Variants in MAU2 observed in about 807,000 individuals in gnomAD.
MAU2 encodes MAU2 sister chromatid cohesion factor.
MAU2 carries 9 observed loss-of-function variants against 89.1 expected under a neutral mutation model. The ratio of observed to expected loss-of-function variants is 0.10; its 90% CI spans 0.06 to 0.18. MAU2 has a LOEUF of 0.18. MAU2 is among the 10% of genes least tolerant of loss of function. The probability of loss-of-function intolerance (pLI) is 1.00; values close to 1 mark genes in which losing one functional copy is unlikely to be tolerated. For missense variants in MAU2, 425 were observed against 803.5 expected (o/e 0.53, Z 5.69); for synonymous variants, 357 against 343.4 (o/e 1.04, Z -0.44).
intron 1 of MAU2, among the ~76,000 whole-genome samples, chr19:19,325,719 T>C (rs1286463254): frequency 2.6e-5 from 4 of 152,056 alleles, no homozygotes; most frequent in Non-Finnish European, 4.4e-5. Flanking sequence ...CCTCAGGTGA[T>C]CTGCCCGCCT....
Position 19,355,942 on chromosome 19 carries a change from GGT to G in MAU2, c.*162_*163del. On this transcript the variant is annotated 3_prime_UTR_variant, in exon 19 of 19. Coordinates refer to ENST00000262815, the MANE Select transcript of MAU2 (RefSeq NM_015329.4). The stretch of plus-strand genomic sequence containing the variant: ...GGCCAGTCCCTGCCCTCCCAGGAGG[GGT>G]GGTAGCCGTTCCCACCTCGCAGCAG... 1 of 755,284 alleles carries G rather than the reference GGT, an allele frequency of 1.3e-6. No homozygotes were observed. The highest frequency in any genetic ancestry group is 1.5e-5 in the South Asian group (1 of 68,942). 46.8% of individuals were successfully genotyped at this position (755,284 alleles called of 1,614,324 possible).
intron 3 of MAU2, 74 bp downstream of exon 3, chr19:19,336,261 T>C: frequency 1.7e-6 from 2 of 1,180,446 alleles, no homozygotes; most frequent in Non-Finnish European, 2.5e-6. Flanking sequence ...CATTGGTAAA[T>C]TGGGGTTCCG....
chr19:19,353,999 T>C (rs1003129472), intron 16 of MAU2: 3 of 275,216 alleles, frequency 1.1e-5, no homozygotes, highest in African/African-American at 6.4e-5. Flanking sequence ...ACCTGAAACC[T>C]GGAACCCTAT....
intron 1 of MAU2, among the ~76,000 whole-genome samples, chr19:19,331,167 A>G (rs985207869): frequency 1.3e-5 from 2 of 152,102 alleles, no homozygotes; most frequent in Non-Finnish European, 2.9e-5. Flanking sequence ...TATCATAAGG[A>G]AGGAAACATA....
chr19:19,343,408 T>C (rs1206487962), intron 9 of MAU2, among the ~76,000 whole-genome samples: 1 of 152,186 alleles, frequency 6.6e-6, no homozygotes, highest in African/African-American at 2.4e-5. Context: ...ATAGGCCCTG[T>C]GCTTCTCTTA....
intron 1 of MAU2, among the ~76,000 whole-genome samples, chr19:19,328,834 C>G (rs988740547): frequency 1.3e-5 from 2 of 152,154 alleles, no homozygotes; most frequent in Non-Finnish European, 2.9e-5. Context: ...TAAATGCCGC[C>G]TCTCTGGAAG....
Position 19,342,530 on chromosome 19 carries a change from C to A in MAU2, c.736-5C>A. Reference sequence around the variant, plus strand: ...GGTGGATGCTCGGGTGTGGGTGCTGCACAGGTGAAGAGCGTGAAGCCGTGT... The same window carrying A: ...GGTGGATGCTCGGGTGTGGGTGCTGAACAGGTGAAGAGCGTGAAGCCGTGT... On this transcript the variant is annotated splice_polypyrimidine_tract_variant and splice_region_variant and intron_variant, in intron 7 of 18. Coordinates refer to ENST00000262815, the MANE Select transcript of MAU2 (RefSeq NM_015329.4). The A allele has an allele frequency of 6.4e-7, 1 of 1,571,558 alleles. No individual in the cohort carries two copies. The highest frequency in any genetic ancestry group is 8.6e-7 in the Non-Finnish European group (1 of 1,157,674).
chr19:19,355,203 G>C (rs1176167628), intron 17 of MAU2, 61 bp from the exon 18 acceptor site: 5 of 1,607,988 alleles, frequency 3.1e-6, no homozygotes, highest in Non-Finnish European at 4.2e-6. Context: ...TCTGCACCGA[G>C]TGGGAGGGCC....
At chr19:19,323,443 C>T (rs919655457) in intron 1 of MAU2, among the ~76,000 whole-genome samples, 1 of 152,194 alleles carries the variant, frequency 6.6e-6, no homozygotes, top group Non-Finnish European at 1.5e-5. Flanking sequence ...ATCCGCCCAT[C>T]TTGTCCTCCC....
At chr19:19,351,453 T>C (rs1019740268) in intron 16 of MAU2, among the ~76,000 whole-genome samples, 8 of 151,256 alleles carry the variant, frequency 5.3e-5, no homozygotes, top group Non-Finnish European at 1.2e-4. Context: ...AAGGATCATT[T>C]GAGCGCAGGA....
intron 1 of MAU2, among the ~76,000 whole-genome samples, chr19:19,332,324 T>TG (rs1301473733): frequency 9.1e-6 from 1 of 110,256 alleles, no homozygotes; most frequent in Non-Finnish European, 1.8e-5. Flanking sequence ...CATGCCTGGC[T>TG]GATTTTTTTT....
chr19:19,330,719 A>G (rs925731186), intron 1 of MAU2, among the ~76,000 whole-genome samples: 12 of 152,182 alleles, frequency 7.9e-5, no homozygotes, highest in African/African-American at 2.9e-4. Context: ...CAGCCTGGGC[A>G]GCAAGAGCGA....
chr19:19,330,151 T>C (rs1365789016), intron 1 of MAU2, among the ~76,000 whole-genome samples: 2 of 151,630 alleles, frequency 1.3e-5, no homozygotes, highest in South Asian at 2.1e-4. Context: ...AGCTAATTTT[T>C]GTATATTTTG....
chr19:19,347,037 T>G (rs2061698663), intron 12 of MAU2: 1 of 511,046 alleles, frequency 2.0e-6, no homozygotes, highest in Non-Finnish European at 3.5e-6. Flanking sequence ...AGGGTAGGAT[T>G]GGGGTGGCTG....
chr19:19,320,873 C>T lies in MAU2; in HGVS notation c.14C>T (p.Ala5Val). The T allele has an allele frequency of 5.3e-6, 8 of 1,517,454 alleles. No homozygotes were observed. The highest frequency in any genetic ancestry group is 5.3e-6 in the Non-Finnish European group (6 of 1,139,242). The allele number at this position is 1,517,454 out of a possible 1,614,324, so 94.0% of individuals were successfully genotyped here. Residue 5 changes from alanine to valine, a missense_variant, in exon 1 of 19, where the codon GCG becomes GTG. Ala to Val is a moderately conservative substitution (Grantham distance 64). This residue lies in a region of MAU2 where 61 missense variants were observed against 40.1 expected (regional missense o/e 1.52). Coordinates refer to ENST00000262815, the MANE Select transcript of MAU2 (RefSeq NM_015329.4). MAAQ[A>V]AAAAQAAAAQ... The stretch of plus-strand genomic sequence containing the variant: ...GTGGAGGCCAAAATGGCGGCTCAGG[C>T]GGCGGCAGCGGCCCAGGCGGCGGCG...
chr19:19,325,967 T>C (rs1414299839), intron 1 of MAU2, among the ~76,000 whole-genome samples: 1 of 151,946 alleles, frequency 6.6e-6, no homozygotes, highest in Non-Finnish European at 1.5e-5. Context: ...TTTTATCTGC[T>C]TCTGTCAGTT....
intron 2 of MAU2, 66 bp from the exon 3 acceptor site, chr19:19,336,056 A>C (rs2061593964): frequency 8.5e-7 from 1 of 1,171,392 alleles, no homozygotes; most frequent in African/African-American, 1.5e-5. Context: ...TAGGAGCCCC[A>C]AGCTGTGGCC....
Position 19,345,196 on chromosome 19 carries a change from T to G in MAU2, c.1156-108T>G. The stretch of plus-strand genomic sequence containing the variant: ...CTTGCAGCTGGCTCGGTAGAGCCAT[T>G]GTCATACTCCTCCAGGGCAGCCGTG... On this transcript the variant is annotated intron_variant, in intron 11 of 18. Transcript: ENST00000262815. This position sits in a 1 kb window ranked among gnomAD's most constrained non-coding sequence, Gnocchi z 4.9. 1.0e-6 allele frequency: 1 copy of G among 992,474 alleles called. No homozygotes were observed. Among genetic ancestry groups the G allele is most frequent in the East Asian group, 2.4e-5 (1 of 41,536 alleles). 61.5% of individuals were successfully genotyped at this position (992,474 alleles called of 1,614,324 possible).
At position 19,358,705 on chromosome 19, in the gene MAU2, T is replaced by A. The variant is rs949946259; in HGVS notation, c.*2923T>A. 3 of 152,264 alleles carry A rather than the reference T, an allele frequency of 2.0e-5. No individual in the cohort carries two copies. Among genetic ancestry groups the A allele is most frequent in the African/African-American group, 7.2e-5 (3 of 41,476 alleles). The allele number at this position is 152,264 out of a possible 1,614,324, so 9.4% of individuals were successfully genotyped here. A position where few individuals can be genotyped will look rare whatever the true frequency, so the allele number is the denominator to read the frequency against. ...TAACCATAGAACATAGCTTCCTGTT[T>A]GTGGATTTTGTTTCCTATATATTCA... On this transcript the variant is annotated 3_prime_UTR_variant, in exon 19 of 19. Transcript: ENST00000262815.
Sources: gnomAD v4.1 joint callset for allele counts (sites outside exome capture counted in the v4.1 genomes callset) on GRCh38, gnomAD v4.1.1 for gene constraint, gnomAD v4.1.1 regional missense constraint, Gnocchi (gnomAD v3.1) non-coding constraint, MANE v1.5 for transcripts, NCBI Gene and HGNC (gene_info 2026-07-23, HGNC 2026-07-21) for gene names.